The following DPP10 variants were observed in gnomAD, a reference collection of about 807,000 sequenced individuals.
The protein encoded by DPP10 is dipeptidyl peptidase like 10.
In DPP10, 33 loss-of-function variants were observed where a neutral mutation model predicts 120.9. That is an observed-to-expected ratio of 0.27 (90% CI 0.21 to 0.37). The LOEUF (loss-of-function observed/expected upper bound fraction) is 0.37. DPP10 is among the 10% of genes least tolerant of loss of function. DPP10 has a pLI of 1.00. For missense variants in DPP10, 816 were observed against 942.8 expected (o/e 0.87, Z 1.76); for synonymous variants, 337 against 326.1 (o/e 1.03, Z -0.36).
At chr2:115,582,411 T>G (rs973473380) in intron 5 of DPP10, among the ~76,000 whole-genome samples, 2 of 152,198 alleles carry the variant, frequency 1.3e-5, no homozygotes, top group Admixed American at 6.5e-5. Flanking sequence ...ATCAGGAAGC[T>G]GCTCATCACC....
intron 1 of DPP10, among the ~76,000 whole-genome samples, chr2:114,818,125 A>G (rs1685789843): frequency 6.6e-6 from 1 of 151,028 alleles, no homozygotes; most frequent in Non-Finnish European, 1.5e-5. Flanking sequence ...CTGCCCAAAA[A>G]GAGAGAGAGA....
chr2:115,617,888 A>C (rs2084646458), intron 5 of DPP10, among the ~76,000 whole-genome samples: 1 of 152,168 alleles, frequency 6.6e-6, no homozygotes, highest in African/African-American at 2.4e-5. Flanking sequence ...CTAATAATAA[A>C]ATAGAACTAT....
At chr2:114,943,847 A>T (rs1697153551) in intron 1 of DPP10, among the ~76,000 whole-genome samples, 1 of 152,202 alleles carries the variant, frequency 6.6e-6, no homozygotes, top group Admixed American at 6.5e-5. Context: ...CATTGTTTTT[A>T]AAAATTGTTG....
intron 1 of DPP10, among the ~76,000 whole-genome samples, chr2:114,546,498 G>C (rs1573619354): frequency 6.6e-6 from 1 of 152,288 alleles, no homozygotes; most frequent in East Asian, 1.9e-4. Flanking sequence ...ATTTGGGCAG[G>C]GATAGATAGC....
At chr2:114,676,486 GT>G (rs1299294558) in intron 1 of DPP10, among the ~76,000 whole-genome samples, 1 of 152,046 alleles carries the variant, frequency 6.6e-6, no homozygotes, top group Non-Finnish European at 1.5e-5. Flanking sequence ...ACATCGGTGT[GT>G]GATACTTTAT....
chr2:115,458,062 T>G (rs1238765263), intron 3 of DPP10, among the ~76,000 whole-genome samples: 1 of 152,070 alleles, frequency 6.6e-6, no homozygotes, highest in Non-Finnish European at 1.5e-5. Flanking sequence ...TACTGCGTAT[T>G]GTATGATTCC....
chr2:114,991,737 A>G (rs185780467), intron 1 of DPP10, among the ~76,000 whole-genome samples: 3 of 152,362 alleles, frequency 2.0e-5, no homozygotes, highest in Admixed American at 2.0e-4. Flanking sequence ...CAGTTAGAGG[A>G]CAGAACCATT....
intron 1 of DPP10, among the ~76,000 whole-genome samples, chr2:114,942,933 G>A (rs181328498): frequency 2.6e-4 from 40 of 152,210 alleles, no homozygotes; most frequent in Admixed American, 1.3e-3. Context: ...AAGTTCTGGA[G>A]TACACCTGCG....
intron 1 of DPP10, among the ~76,000 whole-genome samples, chr2:114,867,257 A>T (rs1030958637): frequency 1.3e-5 from 2 of 152,104 alleles, no homozygotes; most frequent in Admixed American, 6.6e-5. Flanking sequence ...ATCACAGAAG[A>T]TCCTCACCTT....
rs536989373 is a variant in DPP10, at chr2:115,050,507, GGCAAATATAATA to G, written c.61-258730_61-258719del. ...AGGATGTTTGTCAAAAATGTTCACA[GGCAAATATAATA>G]GTCACTGTTTCCTGGGGAAGTGAAT... On this transcript the variant is annotated intron_variant, in intron 1 of 25. Coordinates refer to ENST00000410059, the MANE Select transcript of DPP10 (RefSeq NM_020868.6). 7.8e-4 allele frequency among the ~76,000 whole-genome samples: 118 copies of G among 152,236 alleles called. No individual in the cohort carries two copies. The East Asian group carries it at 0.019, about 24-fold the overall frequency.
At chr2:114,953,525 G>A (rs1373728616) in intron 1 of DPP10, among the ~76,000 whole-genome samples, 2 of 151,936 alleles carry the variant, frequency 1.3e-5, no homozygotes, top group African/African-American at 4.8e-5. Context: ...TATGTCATGT[G>A]TACTAAATGA....
chr2:115,006,115 C>T (rs11680201), intron 1 of DPP10, among the ~76,000 whole-genome samples: 2 of 151,938 alleles, frequency 1.3e-5, no homozygotes, highest in African/African-American at 4.8e-5. Flanking sequence ...TCCAGGCAAA[C>T]TAAGTTTCAT....
intron 1 of DPP10, among the ~76,000 whole-genome samples, chr2:115,042,262 T>C (rs1307285305): frequency 1.3e-5 from 2 of 152,026 alleles, no homozygotes; most frequent in Non-Finnish European, 2.9e-5. Context: ...TCTAGTGTCA[T>C]TGCTATTGTA....
intron 5 of DPP10, among the ~76,000 whole-genome samples, chr2:115,686,986 CG>C (rs2091024685): frequency 6.6e-6 from 1 of 151,850 alleles, no homozygotes; most frequent in Non-Finnish European, 1.5e-5. Context: ...TTTACCCTCT[CG>C]TCATGAAATA....
chr2:115,328,241 G>C (rs1193674462), intron 2 of DPP10, among the ~76,000 whole-genome samples: 1 of 152,032 alleles, frequency 6.6e-6, no homozygotes, highest in Non-Finnish European at 1.5e-5. Flanking sequence ...ATCACAGTGT[G>C]TAAATGCTCT....
chr2:114,922,577 G>A (rs1009155136), intron 1 of DPP10, among the ~76,000 whole-genome samples: 4 of 152,166 alleles, frequency 2.6e-5, no homozygotes, highest in Admixed American at 6.5e-5. Flanking sequence ...CTCCCAAAGT[G>A]TTGGGATTAC....
At chr2:114,597,384 G>A (rs951355124) in intron 1 of DPP10, among the ~76,000 whole-genome samples, 1 of 151,990 alleles carries the variant, frequency 6.6e-6, no homozygotes, top group African/African-American at 2.4e-5. Flanking sequence ...GGAATTTTAA[G>A]CAGAGAAATA....
intron 5 of DPP10, among the ~76,000 whole-genome samples, chr2:115,602,691 T>G (rs974611869): frequency 2.6e-5 from 4 of 152,158 alleles, no homozygotes; most frequent in African/African-American, 4.8e-5. Flanking sequence ...AAGGTGACAT[T>G]TCTTTGAGGG....
intron 1 of DPP10, among the ~76,000 whole-genome samples, chr2:114,802,166 T>C (rs751394420): frequency 1.3e-5 from 2 of 152,152 alleles, no homozygotes; most frequent in Non-Finnish European, 1.5e-5. Flanking sequence ...AATTATCTAG[T>C]GGCCAATAGC....
Sources: gnomAD v4.1 joint callset for allele counts (sites outside exome capture counted in the v4.1 genomes callset) on GRCh38, gnomAD v4.1.1 for gene constraint, MANE v1.5 for transcripts, NCBI Gene and HGNC (gene_info 2026-07-23, HGNC 2026-07-21) for gene names.